The following GRM5 variants were observed in gnomAD, a reference collection of about 807,000 sequenced individuals.
The protein encoded by GRM5 is glutamate metabotropic receptor 5.
A neutral mutation model predicts 83.1 loss-of-function variants in GRM5; 19 were observed. The observed-to-expected ratio is 0.23, with a 90% CI of 0.16 to 0.34. GRM5 has a LOEUF of 0.34. Ranked by LOEUF, GRM5 falls within the 10% of genes least tolerant of loss-of-function variation. The pLI, the probability that GRM5 is intolerant of heterozygous loss-of-function variation, is 1.00. For missense variants in GRM5, 1,160 were observed against 1,588.3 expected, an observed-to-expected ratio of 0.73 and a Z score of 4.58; for synonymous variants, 675 against 633.6, an observed-to-expected ratio of 1.07 and a Z score of -0.98.
intron 2 of GRM5, among the ~76,000 whole-genome samples, chr11:88,974,501 T>A (rs1395783125): frequency 6.6e-6 from 1 of 152,176 alleles, no homozygotes; most frequent in East Asian, 1.9e-4. Flanking sequence ...GGTGTATGTA[T>A]GAATGAATCA....
chr11:88,946,935 AT>A (rs1245927915), intron 2 of GRM5, among the ~76,000 whole-genome samples: 7 of 152,020 alleles, frequency 4.6e-5, no homozygotes, highest in African/African-American at 1.7e-4. Context: ...CTGCTTTATT[AT>A]TTTTGTGCTT....
intron 2 of GRM5, among the ~76,000 whole-genome samples, chr11:88,999,560 ATGG>A (rs1813181537): frequency 6.6e-6 from 1 of 152,158 alleles, no homozygotes; most frequent in Non-Finnish European, 1.5e-5. Context: ...ACCAGTTAGA[ATGG>A]TGATCATTAA....
At chr11:88,939,339 G>T (rs1938006968) in intron 2 of GRM5, among the ~76,000 whole-genome samples, 1 of 151,670 alleles carries the variant, frequency 6.6e-6, no homozygotes, top group South Asian at 2.1e-4. Flanking sequence ...TGATACAAGG[G>T]TGCCCACATT....
intron 3 of GRM5, among the ~76,000 whole-genome samples, chr11:88,833,839 CATT>C (rs1944041708): frequency 6.6e-6 from 1 of 152,096 alleles, no homozygotes; most frequent in Non-Finnish European, 1.5e-5. Context: ...AACTGGTGTT[CATT>C]ATGTTAAGTT....
chr11:88,946,995 C>G (rs901867048), intron 2 of GRM5, among the ~76,000 whole-genome samples: 1 of 152,052 alleles, frequency 6.6e-6, no homozygotes, highest in East Asian at 1.9e-4. Context: ...CATAGGTAGA[C>G]TCACTGAGGA....
Position 89,047,749 on chromosome 11 carries a change from A to G in GRM5, c.124T>C (p.Ser42Pro), listed in dbSNP as rs1941673321. Residue 42 changes from serine (S) to proline (P), a missense_variant, in exon 2 of 10, where the codon TCT becomes CCT. Physicochemically the swap from Ser to Pro is moderately conservative, Grantham distance 74. Around this residue, in one of 9 missense-constraint regions of GRM5, gnomAD observed 71 missense variants for 145.8 expected, o/e 0.49. Coordinates refer to ENST00000305447, the MANE Select transcript of GRM5 (RefSeq NM_001143831.3). This position sits in a 1 kb window ranked among gnomAD's most constrained non-coding sequence, Gnocchi z 5.1. ...PGDIIIGALF[S>P]VHHQPTVDKV... ...TCCACAGTAGGCTGGTGATGAACAG[A>G]AAAGAGAGCTCCAATAATGATGTCA... 1 of 1,613,996 alleles carries G rather than the reference A, an allele frequency of 6.2e-7. No homozygotes were observed. The highest frequency in any genetic ancestry group is 1.3e-5 in the African/African-American group (1 of 74,908).
intron 2 of GRM5, among the ~76,000 whole-genome samples, chr11:88,854,788 T>A (rs598952): frequency 0.45 from 68,658 of 151,620 alleles, 17,724 homozygotes; most frequent in East Asian, 0.75. Flanking sequence ...AAAATAAAAT[T>A]AAATTAAATT....
At chr11:88,720,195 G>GA (rs1402656364) in intron 3 of GRM5, among the ~76,000 whole-genome samples, 2 of 152,026 alleles carry the variant, frequency 1.3e-5, no homozygotes, top group Non-Finnish European at 2.9e-5. Flanking sequence ...TGGAAGACAG[G>GA]AAAAATGGAA....
intron 2 of GRM5, among the ~76,000 whole-genome samples, chr11:88,949,303 A>G (rs964235672): frequency 6.6e-6 from 1 of 152,176 alleles, no homozygotes; most frequent in African/African-American, 2.4e-5. Context: ...ACAGCTCTGG[A>G]TATCTTCCAT....
intron 3 of GRM5, among the ~76,000 whole-genome samples, chr11:88,822,781 TTC>T (rs1436471473): frequency 1.3e-5 from 2 of 151,530 alleles, no homozygotes; most frequent in East Asian, 1.9e-4. Flanking sequence ...CTCTCTCTCT[TTC>T]TCTCTCTCCT....
rs1197225895 is a variant in GRM5, at chr11:89,046,654, G to A, written c.661+558C>T. On this transcript the variant is annotated intron_variant, in intron 2 of 9. Coordinates refer to ENST00000305447, the MANE Select transcript of GRM5 (RefSeq NM_001143831.3). ...ACTTCTCAAATATGTTCTATACAAG[G>A]ATAAAATTAATTTATTCTTATCTCC... Among the ~76,000 whole-genome samples the A allele has an allele frequency of 3.3e-5, 5 of 152,150 alleles. No homozygotes were observed. In the East Asian group the frequency reaches 9.7e-4, roughly 29 times the overall value.
intron 3 of GRM5, among the ~76,000 whole-genome samples, chr11:88,726,929 A>C (rs1941696698): frequency 6.6e-6 from 1 of 152,234 alleles, no homozygotes; most frequent in South Asian, 2.1e-4. Context: ...CGGCCACTGC[A>C]AAAACATGCC....
chr11:88,845,418 C>A (rs1944282150), intron 3 of GRM5, among the ~76,000 whole-genome samples: 2 of 97,686 alleles, frequency 2.0e-5, no homozygotes, highest in African/African-American at 8.0e-5. Context: ...ACAGTATAAA[C>A]ATAACTTTTT....
chr11:88,752,271 C>A (rs1403739785), intron 3 of GRM5, among the ~76,000 whole-genome samples: 2 of 152,104 alleles, frequency 1.3e-5, no homozygotes, highest in African/African-American at 4.8e-5. Flanking sequence ...GATATAAAGT[C>A]AAAGTGCAAA....
At chr11:88,825,783 A>T (rs1437954846) in intron 3 of GRM5, among the ~76,000 whole-genome samples, 2 of 152,326 alleles carry the variant, frequency 1.3e-5, no homozygotes, top group East Asian at 3.9e-4. Context: ...CTATTTCTGA[A>T]GGAACCCTCA....
In GRM5 at chr11:88,752,305, A is replaced by G. The variant is rs117154091; in HGVS notation, c.911+97601T>C. On this transcript the variant is annotated intron_variant, in intron 3 of 9. Coordinates refer to ENST00000305447, the MANE Select transcript of GRM5 (RefSeq NM_001143831.3). ...AAAATTGCTAGCATTCATATATACC[A>G]ACAACAGGCGAGCCAGAAGCCAATC... is the stretch of plus-strand genomic sequence containing the variant. 5.9e-3 allele frequency among the ~76,000 whole-genome samples: 906 copies of G among 152,304 alleles called. 18 individuals carry two copies. In the East Asian group the frequency reaches 0.071, roughly 12 times the overall value.
intron 3 of GRM5, among the ~76,000 whole-genome samples, chr11:88,658,169 C>T (rs181286239): frequency 1.4e-4 from 21 of 152,180 alleles, no homozygotes; most frequent in African/African-American, 4.1e-4. Context: ...GAACTGTACA[C>T]GTGAGGGAGC....
At chr11:89,007,911 C>G (rs1282310011) in intron 2 of GRM5, among the ~76,000 whole-genome samples, 2 of 152,146 alleles carry the variant, frequency 1.3e-5, no homozygotes, top group Non-Finnish European at 2.9e-5. Flanking sequence ...AAAGTGGCAA[C>G]CTTTCATTCC....
intron 6 of GRM5, among the ~76,000 whole-genome samples, chr11:88,593,671 C>T (rs542468518): frequency 5.1e-5 from 7 of 136,802 alleles, no homozygotes; most frequent in African/African-American, 2.3e-4. Context: ...AGCAAGACTC[C>T]GTCTCAAAAA....
Sources: gnomAD v4.1 joint callset for allele counts (sites outside exome capture counted in the v4.1 genomes callset) on GRCh38, gnomAD v4.1.1 for gene constraint, gnomAD v4.1.1 regional missense constraint, Gnocchi (gnomAD v3.1) non-coding constraint, MANE v1.5 for transcripts, NCBI Gene and HGNC (gene_info 2026-07-23, HGNC 2026-07-21) for gene names.